The following STIM2 variants were observed in gnomAD, a reference collection of about 807,000 sequenced individuals.
STIM2 encodes the protein stromal interaction molecule 2.
A neutral mutation model predicts 85.8 loss-of-function variants in STIM2; 31 were observed. The observed-to-expected ratio is 0.36, with a 90% confidence interval of 0.27 to 0.49. STIM2 has a LOEUF of 0.49. Ranked by LOEUF, STIM2 falls within the 20% of genes least tolerant of loss-of-function variation. The pLI is 0.98. For missense variants in STIM2, 841 were observed against 927.6 expected (o/e 0.91, Z 1.21); for synonymous variants, 356 against 331.1 (o/e 1.08, Z -0.82).
chr4:26,989,701 T>C (rs527660733), intron 3 of STIM2, among the ~76,000 whole-genome samples: 1 of 152,308 alleles, frequency 6.6e-6, no homozygotes, highest in African/African-American at 2.4e-5. Flanking sequence ...GACATGATCT[T>C]ATATTTAGAA....
At chr4:26,878,523 AC>A (rs1220367142) in intron 1 of STIM2, among the ~76,000 whole-genome samples, 2 of 152,092 alleles carry the variant, frequency 1.3e-5, no homozygotes, top group Non-Finnish European at 2.9e-5. Flanking sequence ...AGAGGTAATT[AC>A]CTGCTTCTCC....
chr4:26,990,652 C>T (rs749834927), intron 3 of STIM2, among the ~76,000 whole-genome samples: 1 of 152,092 alleles, frequency 6.6e-6, no homozygotes, highest in Non-Finnish European at 1.5e-5. Context: ...AGTGAAGAGA[C>T]AACCTATGGG....
chr4:27,006,422 T>A (rs1179504657), intron 7 of STIM2, among the ~76,000 whole-genome samples: 1 of 152,210 alleles, frequency 6.6e-6, no homozygotes, highest in Non-Finnish European at 1.5e-5. Flanking sequence ...GTGTCCTTAG[T>A]TAGCTTTGGG....
At chr4:27,018,100 CCA>C (rs1728797606) in intron 11 of STIM2, 116 bp downstream of exon 11, 1 of 1,446,322 alleles carries the variant, frequency 6.9e-7, no homozygotes, top group Non-Finnish European at 9.4e-7. Flanking sequence ...TATCAAGGTA[CCA>C]CAGACTTTGC....
At position 26,861,039 on chromosome 4, in the gene STIM2, AGGCGGCGGGGGCGGCCGGAGGAGTCGCC is replaced by A; in HGVS notation, c.-171_-144del. Reference sequence around the variant, plus strand: ...GGCGCCCGGCGGGAGCCCGTGTCTGAGGCGGCGGGGGCGGCCGGAGGAGTCGCCGGCGGCGGTGGTGGCGCCTCGCGGA... The same window carrying A: ...GGCGCCCGGCGGGAGCCCGTGTCTGAGGCGGCGGTGGTGGCGCCTCGCGGA... On this transcript the variant is annotated 5_prime_UTR_variant, in exon 1 of 12. Transcript: ENST00000467087. 8.4e-7 allele frequency: 1 copy of A among 1,195,904 alleles called. No individual in the cohort carries two copies. Among genetic ancestry groups the A allele is most frequent in the Non-Finnish European group, 1.0e-6 (1 of 964,812 alleles). 74.1% of individuals were successfully genotyped at this position (1,195,904 alleles called of 1,614,324 possible).
chr4:26,957,115 C>T (rs1006790047), intron 2 of STIM2, among the ~76,000 whole-genome samples: 3 of 152,142 alleles, frequency 2.0e-5, no homozygotes, highest in African/African-American at 7.2e-5. Context: ...ATATAACCTA[C>T]AGACATCCTC....
chr4:27,007,514 CT>C lies in STIM2; in HGVS notation c.982-17del. 6.8e-7 allele frequency: 1 copy of C among 1,478,716 alleles called. No homozygotes were observed. Among genetic ancestry groups the C allele is most frequent in the South Asian group, 1.4e-5 (1 of 68,980 alleles). 91.6% of individuals were successfully genotyped at this position (1,478,716 alleles called of 1,614,324 possible). ...TCCTCCCTCTCTCCTTTCTTGCCTC[CT>C]TCCTTTCCTTCTTCTAGGTTCGCAT... On this transcript the variant is annotated intron_variant, in intron 7 of 11. Transcript: ENST00000467087.
At chr4:26,866,143 CA>C (rs1348100459) in intron 1 of STIM2, among the ~76,000 whole-genome samples, 1 of 152,124 alleles carries the variant, frequency 6.6e-6, no homozygotes, top group Non-Finnish European at 1.5e-5. Context: ...GCATAGTACT[CA>C]ATAGTTCAAT....
chr4:27,016,322 G>A (rs1410347408), intron 10 of STIM2, among the ~76,000 whole-genome samples: 1 of 152,018 alleles, frequency 6.6e-6, no homozygotes, highest in Admixed American at 6.6e-5. Context: ...TTTGCATAGC[G>A]GATTGCTTTC....
At chr4:26,909,351 G>A (rs1041386515) in intron 1 of STIM2, among the ~76,000 whole-genome samples, 4 of 152,172 alleles carry the variant, frequency 2.6e-5, no homozygotes, top group African/African-American at 9.7e-5. Context: ...CCATTCTACA[G>A]GTGAGGAAAT....
chr4:26,948,165 C>T (rs537568905), intron 2 of STIM2, among the ~76,000 whole-genome samples: 2 of 152,130 alleles, frequency 1.3e-5, no homozygotes, highest in African/African-American at 2.4e-5. Flanking sequence ...CTTTGCTGGC[C>T]GTATTATTCT....
chr4:26,900,201 A>G (rs1723866337), intron 1 of STIM2, among the ~76,000 whole-genome samples: 1 of 152,204 alleles, frequency 6.6e-6, no homozygotes, highest in African/African-American at 2.4e-5. Context: ...TAGCTAGTGT[A>G]CAGAACTGAC....
chr4:26,920,318 T>C (rs181360649), intron 2 of STIM2, among the ~76,000 whole-genome samples: 2 of 152,290 alleles, frequency 1.3e-5, no homozygotes, highest in Admixed American at 1.3e-4. Context: ...TACAAAGATA[T>C]AGATAACCAG....
chr4:26,903,712 G>T (rs1724013937), intron 1 of STIM2, among the ~76,000 whole-genome samples: 1 of 152,148 alleles, frequency 6.6e-6, no homozygotes, highest in Non-Finnish European at 1.5e-5. Context: ...GACATTTTCA[G>T]ATGTTAGGTT....
intron 1 of STIM2, among the ~76,000 whole-genome samples, chr4:26,902,975 A>G (rs961756110): frequency 6.6e-6 from 1 of 152,144 alleles, no homozygotes; most frequent in East Asian, 1.9e-4. Context: ...TTTCTCTAAT[A>G]TTACAAAATA....
At chr4:26,874,063 T>C (rs1722727508) in intron 1 of STIM2, 1 of 651,744 alleles carries the variant, frequency 1.5e-6, no homozygotes, top group African/African-American at 1.8e-5. Flanking sequence ...CTCTGGGACT[T>C]GGCACCTGAG....
intron 1 of STIM2, among the ~76,000 whole-genome samples, chr4:26,912,867 A>T (rs981396533): frequency 6.6e-6 from 1 of 151,982 alleles, no homozygotes; most frequent in Non-Finnish European, 1.5e-5. Flanking sequence ...TCTTCTTTCC[A>T]TTGGGGAGTA....
intron 3 of STIM2, among the ~76,000 whole-genome samples, chr4:26,988,344 T>G (rs946302106): frequency 2.6e-5 from 4 of 151,954 alleles, no homozygotes; most frequent in African/African-American, 9.7e-5. Context: ...TAGAGAAAAC[T>G]TCATGAAGGA....
intron 3 of STIM2, among the ~76,000 whole-genome samples, chr4:26,987,902 T>A (rs572562396): frequency 4.7e-4 from 71 of 152,368 alleles, no homozygotes; most frequent in Non-Finnish European, 7.6e-4. Flanking sequence ...AGTGAGCTGT[T>A]CTAAATCAGC....
Sources: allele counts gnomAD v4.1 joint callset (sites outside exome capture counted in the v4.1 genomes callset), GRCh38; gene constraint gnomAD v4.1.1; transcripts MANE v1.5; gene names NCBI Gene and HGNC (gene_info 2026-07-23, HGNC 2026-07-21).